NDST3: variants seen among roughly 807,000 people sequenced by gnomAD.
The protein encoded by NDST3 is bifunctional heparan sulfate N-deacetylase/N-sulfotransferase 3.
Under a neutral mutation model 96.1 loss-of-function variants are expected in NDST3, and 58 were observed. That is an observed-to-expected ratio of 0.60 (90% confidence interval 0.49 to 0.75). The LOEUF (loss-of-function observed/expected upper bound fraction) is 0.75, where lower values mean the gene tolerates loss of function less well. Among genes scored for constraint, NDST3 ranks in the 30% least tolerant of loss-of-function variants. The probability of loss-of-function intolerance (pLI) is 0.00; values close to 1 mark genes in which losing one functional copy is unlikely to be tolerated. For synonymous variants in NDST3, 333 were observed against 359.7 expected, an observed-to-expected ratio of 0.93 and a Z score of 0.84; for missense variants, 788 against 1,034.2, an observed-to-expected ratio of 0.76 and a Z score of 3.27.
At chr4:118,230,347 G>A (rs1219755987) in intron 8 of NDST3, among the ~76,000 whole-genome samples, 1 of 152,138 alleles carries the variant, frequency 6.6e-6, no homozygotes, top group Non-Finnish European at 1.5e-5. Flanking sequence ...GCCGAGGCGG[G>A]CAGATCATGA....
intron 6 of NDST3, among the ~76,000 whole-genome samples, chr4:118,178,090 G>C (rs1324890161): frequency 6.6e-6 from 1 of 151,638 alleles, no homozygotes; most frequent in African/African-American, 2.4e-5. Flanking sequence ...AAAAGCATAA[G>C]TCCTTTTAAA....
chr4:118,169,159 T>TA (rs1735756592), intron 6 of NDST3, among the ~76,000 whole-genome samples: 1 of 152,166 alleles, frequency 6.6e-6, no homozygotes, highest in Non-Finnish European at 1.5e-5. Context: ...AAAGAACTTT[T>TA]AAAATATCTT....
At chr4:118,101,238 T>C (rs889616929) in intron 2 of NDST3, among the ~76,000 whole-genome samples, 1 of 152,070 alleles carries the variant, frequency 6.6e-6, no homozygotes, top group Non-Finnish European at 1.5e-5. Flanking sequence ...CTAACAAAAG[T>C]TAGAGAAAAT....
intron 6 of NDST3, among the ~76,000 whole-genome samples, chr4:118,150,906 T>C (rs948400798): frequency 3.9e-5 from 6 of 151,998 alleles, no homozygotes; most frequent in African/African-American, 1.5e-4. Context: ...CAAAGGACTA[T>C]AAATCATACT....
intron 1 of NDST3, among the ~76,000 whole-genome samples, chr4:118,051,069 C>A (rs1246138067): frequency 6.6e-6 from 1 of 152,088 alleles, no homozygotes; most frequent in Non-Finnish European, 1.5e-5. Context: ...TAAAGCCACA[C>A]ACCTACAATC....
At position 118,197,523 on chromosome 4, in the gene NDST3, T is replaced by C. The variant is rs999692267; in HGVS notation, c.1540-26968T>C. On this transcript the variant is annotated intron_variant, in intron 6 of 13. Coordinates refer to ENST00000296499, the MANE Select transcript of NDST3 (RefSeq NM_004784.3). ...AGTGCATATATATTTAAAATCGTTA[T>C]ATCCTCTTGCTGAATTGAACCCCTT... Among the ~76,000 whole-genome samples, 5 of 152,200 alleles carry C rather than the reference T, an allele frequency of 3.3e-5. No homozygotes were observed. In the South Asian group the frequency reaches 8.3e-4, roughly 25 times the overall value.
intron 6 of NDST3, chr4:118,193,735 G>A: frequency 2.2e-6 from 3 of 1,375,930 alleles, no homozygotes; most frequent in South Asian, 1.2e-5. Context: ...CGTTGTTGCT[G>A]CCCAGTTCCA....
intron 6 of NDST3, among the ~76,000 whole-genome samples, chr4:118,171,253 C>G (rs935403645): frequency 6.6e-6 from 1 of 152,132 alleles, no homozygotes; most frequent in Non-Finnish European, 1.5e-5. Context: ...CTCACTACCC[C>G]CAAAAAGGCC....
At chr4:118,199,735 G>C (rs1460728930) in intron 6 of NDST3, among the ~76,000 whole-genome samples, 3 of 152,052 alleles carry the variant, frequency 2.0e-5, no homozygotes, top group Non-Finnish European at 4.4e-5. Flanking sequence ...AAAGGACTTG[G>C]GTGTTATGAT....
chr4:118,107,586 G>A (rs1730301828), intron 3 of NDST3, among the ~76,000 whole-genome samples: 1 of 151,996 alleles, frequency 6.6e-6, no homozygotes, highest in African/African-American at 2.4e-5. Flanking sequence ...CAAAAGTCAA[G>A]GTATAGTACA....
At chr4:118,233,731 T>C (rs4147038) in intron 9 of NDST3, among the ~76,000 whole-genome samples, 5,961 of 152,262 alleles carry the variant, frequency 0.039, 178 homozygotes, top group African/African-American at 0.085. Flanking sequence ...TACAGTAATG[T>C]AGTAGAGATA....
chr4:118,051,101 A>G (rs1323631770), intron 1 of NDST3, among the ~76,000 whole-genome samples: 1 of 152,166 alleles, frequency 6.6e-6, no homozygotes, highest in Non-Finnish European at 1.5e-5. Flanking sequence ...GGCAAGGCCA[A>G]CAAAAGCAAG....
chr4:118,053,903 C>A lies in NDST3; in HGVS notation c.-8C>A. 1 of 1,583,582 alleles carries A rather than the reference C, an allele frequency of 6.3e-7. No homozygotes were observed. Among genetic ancestry groups the A allele is most frequent in the East Asian group, 2.2e-5 (1 of 44,512 alleles). On this transcript the variant is annotated 5_prime_UTR_variant, in exon 2 of 14. Transcript: ENST00000296499. The stretch of plus-strand genomic sequence containing the variant: ...TCTGTTGGCATAGTTGGGGAAAGCA[C>A]CTACAACATGAGTTTTATCATGAAG...
At chr4:118,144,001 C>G (rs1297442573) in intron 6 of NDST3, among the ~76,000 whole-genome samples, 1 of 142,424 alleles carries the variant, frequency 7.0e-6, no homozygotes, top group African/African-American at 2.7e-5. Flanking sequence ...CCACGGGGAA[C>G]CATTTTTTTT....
rs1305539179 is a variant in NDST3, at chr4:118,143,620, G to A, written c.1475G>A (p.Gly492Asp). Residue 492 changes from glycine to aspartate, a missense_variant, in exon 6 of 14, where the codon GGT (glycine) becomes GAT (aspartate). Physicochemically the swap from Gly to Asp is moderately conservative, Grantham distance 94. Transcript: ENST00000296499. Reference sequence around the variant, plus strand: ...ATTTTCTACAAAGAATATCCAGGGGGTCCTAAAGAGCTGGATAAGAGTATC... The same window carrying A: ...ATTTTCTACAAAGAATATCCAGGGGATCCTAAAGAGCTGGATAAGAGTATC... ...HTIFYKEYPG[G>D]PKELDKSIQG... 3.1e-6 allele frequency: 5 copies of A among 1,610,140 alleles called. No individual in the cohort carries two copies. Among genetic ancestry groups the A allele is most frequent in the African/African-American group, 2.7e-5 (2 of 74,602 alleles).
At chr4:118,199,083 C>A (rs1452186729) in intron 6 of NDST3, among the ~76,000 whole-genome samples, 1 of 152,126 alleles carries the variant, frequency 6.6e-6, no homozygotes, top group African/African-American at 2.4e-5. Flanking sequence ...TACTTGGATA[C>A]TGATATCTTT....
At position 118,053,848 on chromosome 4, in the gene NDST3, C is replaced by G; in HGVS notation, c.-63C>G. On this transcript the variant is annotated 5_prime_UTR_variant, in exon 2 of 14. Coordinates refer to ENST00000296499, the MANE Select transcript of NDST3 (RefSeq NM_004784.3). Reference sequence around the variant, plus strand: ...AGAGATTGGAAAAGTAGCTGGAACACCATCTTTTCTTTTAACTTTTTATGG... The same window carrying G: ...AGAGATTGGAAAAGTAGCTGGAACAGCATCTTTTCTTTTAACTTTTTATGG... 6.6e-7 allele frequency: 1 copy of G among 1,504,564 alleles called. No homozygotes were observed. The highest frequency in any genetic ancestry group is 8.9e-7 in the Non-Finnish European group (1 of 1,127,298). 93.2% of individuals were successfully genotyped at this position (1,504,564 alleles called of 1,614,324 possible). A position where few individuals can be genotyped will look rare whatever the true frequency, so the allele number is the denominator to read the frequency against.
intron 6 of NDST3, among the ~76,000 whole-genome samples, chr4:118,210,795 C>T (rs892838967): frequency 2.2e-5 from 3 of 138,676 alleles, no homozygotes; most frequent in South Asian, 4.6e-4. Context: ...AAAAAAAAAG[C>T]GGGGGGACCC....
intron 2 of NDST3, among the ~76,000 whole-genome samples, chr4:118,093,238 T>C (rs948779943): frequency 2.0e-5 from 3 of 151,828 alleles, no homozygotes; most frequent in Admixed American, 6.6e-5. Context: ...ATACATATGT[T>C]TATCGCTTCA....
Sources: gnomAD v4.1 joint callset for allele counts (sites outside exome capture counted in the v4.1 genomes callset) on GRCh38, gnomAD v4.1.1 for gene constraint, MANE v1.5 for transcripts, NCBI Gene and HGNC (gene_info 2026-07-23, HGNC 2026-07-21) for gene names.